VWA8: variants seen among roughly 807,000 people sequenced by gnomAD.
VWA8 encodes von Willebrand factor A domain containing 8, also known as von Willebrand factor A domain-containing protein 8.
In VWA8, 221 loss-of-function variants were observed where a neutral mutation model predicts 241.5. The observed-to-expected ratio is 0.91, with a 90% confidence interval of 0.82 to 1.02. The LOEUF is 1.02. Ranked by LOEUF, VWA8 falls within the 50% of genes least tolerant of loss-of-function variation. VWA8 has a pLI of 0.00. For synonymous variants in VWA8, 852 were observed against 827.1 expected (o/e 1.03, Z -0.52); for missense variants, 2,322 against 2,328.7 (o/e 1.00, Z 0.06).
Position 41,726,738 on chromosome 13 carries a change from C to T in VWA8, c.2758+456G>A, listed in dbSNP as rs562214268. Among the ~76,000 whole-genome samples, 8 of 152,152 alleles carry T rather than the reference C, an allele frequency of 5.3e-5. No individual in the cohort carries two copies. In the East Asian group the frequency reaches 1.5e-3, roughly 29 times the overall value. On this transcript the variant is annotated intron_variant, in intron 24 of 44. Transcript: ENST00000379310. The stretch of plus-strand genomic sequence containing the variant: ...GGCCGGGCATGGTGGCTCACATCTG[C>T]AATCTCAGCACTTTGGGAAGCCGAG...
chr13:41,809,618 A>T (rs897549027), intron 17 of VWA8, among the ~76,000 whole-genome samples: 3 of 152,280 alleles, frequency 2.0e-5, no homozygotes, highest in Middle Eastern at 3.4e-3. Flanking sequence ...TGGATTAAGA[A>T]TTAAATCTAA....
chr13:41,608,101 G>T (rs1004569528), intron 39 of VWA8, among the ~76,000 whole-genome samples: 1 of 152,052 alleles, frequency 6.6e-6, no homozygotes, highest in African/African-American at 2.4e-5. Flanking sequence ...CTAGCCATTT[G>T]GTAAGCCACC....
chr13:41,689,374 C>T lies in VWA8; in HGVS notation c.4111G>A (p.Val1371Ile), dbSNP rs779018182. 1 of 1,609,044 alleles carries T rather than the reference C, an allele frequency of 6.2e-7. No individual in the cohort carries two copies. The highest frequency in any genetic ancestry group is 8.5e-7 in the Non-Finnish European group (1 of 1,178,030). Reference protein sequence around the residue: ...SDEKNYATIVVGFPDLMSPSE... With the variant: ...SDEKNYATIVIGFPDLMSPSE... ...CTTACCATGAGATCTGGAAAACCAACAACTATTGTAGCATAATTTTTCTCA... is the reference window on the plus strand; with the variant it reads ...CTTACCATGAGATCTGGAAAACCAATAACTATTGTAGCATAATTTTTCTCA... Residue 1371 changes from valine (V) to isoleucine (I), a missense_variant, in exon 34 of 45, where the codon GTT (valine) becomes ATT (isoleucine). Val to Ile is a conservative substitution (Grantham distance 29, BLOSUM62 3). Coordinates refer to ENST00000379310, the MANE Select transcript of VWA8 (RefSeq NM_015058.2).
chr13:41,609,441 T>C (rs1459979433), intron 39 of VWA8, among the ~76,000 whole-genome samples: 1 of 152,144 alleles, frequency 6.6e-6, no homozygotes, highest in Middle Eastern at 3.2e-3. Flanking sequence ...GACAATGAAA[T>C]GATAGAAGTC....
chr13:41,674,626 C>T (rs1209160338), intron 36 of VWA8, among the ~76,000 whole-genome samples: 1 of 152,146 alleles, frequency 6.6e-6, no homozygotes, highest in Non-Finnish European at 1.5e-5. Flanking sequence ...TGCCTGTGTT[C>T]TTCAAGGGAC....
chr13:41,839,999 A>G (rs1316723993), intron 12 of VWA8, among the ~76,000 whole-genome samples: 2 of 152,240 alleles, frequency 1.3e-5, no homozygotes, highest in African/African-American at 4.8e-5. Context: ...TTTCCTATCC[A>G]TGAGCATGGA....
At chr13:41,854,040 G>A (rs957882778) in intron 12 of VWA8, among the ~76,000 whole-genome samples, 1 of 152,088 alleles carries the variant, frequency 6.6e-6, no homozygotes, top group African/African-American at 2.4e-5. Context: ...AACAACAGTT[G>A]CTGAAGAGTC....
At chr13:41,840,753 T>A in intron 12 of VWA8, among the ~76,000 whole-genome samples, 1 of 142,690 alleles carries the variant, frequency 7.0e-6, no homozygotes, top group Admixed American at 7.1e-5. Flanking sequence ...AGTGAGACCG[T>A]CTCAAAAAAA....
At chr13:41,765,290 G>A (rs1283846532) in intron 20 of VWA8, among the ~76,000 whole-genome samples, 1 of 152,138 alleles carries the variant, frequency 6.6e-6, no homozygotes, top group Non-Finnish European at 1.5e-5. Flanking sequence ...CAACTCAAGG[G>A]TAGCTCATCC....
intron 22 of VWA8, among the ~76,000 whole-genome samples, chr13:41,731,524 C>CAAA (rs1303568634): frequency 6.6e-6 from 1 of 152,030 alleles, no homozygotes; most frequent in African/African-American, 2.4e-5. Context: ...GAGAGAAGAA[C>CAAA]AAAATAGGAA....
intron 2 of VWA8, chr13:41,926,159 G>A (rs1593875109): frequency 4.9e-6 from 3 of 606,104 alleles, no homozygotes; most frequent in Non-Finnish European, 6.0e-6. Context: ...GGAACCCTGG[G>A]AAAACCAAGA....
intron 17 of VWA8, among the ~76,000 whole-genome samples, chr13:41,789,195 A>T (rs963030848): frequency 1.3e-5 from 2 of 151,954 alleles, no homozygotes; most frequent in African/African-American, 4.8e-5. Flanking sequence ...GCCAATCCTA[A>T]TTTTTTTCCT....
intron 37 of VWA8, among the ~76,000 whole-genome samples, chr13:41,657,866 G>T (rs995719652): frequency 6.6e-6 from 1 of 152,220 alleles, no homozygotes; most frequent in African/African-American, 2.4e-5. Flanking sequence ...ATGCAACCTG[G>T]CAATGTCATG....
At chr13:41,575,285 G>A (rs1282779700) in intron 43 of VWA8, among the ~76,000 whole-genome samples, 2 of 151,964 alleles carry the variant, frequency 1.3e-5, no homozygotes, top group Non-Finnish European at 2.9e-5. Flanking sequence ...GGGGGGTGAG[G>A]GATAAAAGAC....
chr13:41,915,864 A>C (rs1274746351), intron 2 of VWA8, among the ~76,000 whole-genome samples: 1 of 152,150 alleles, frequency 6.6e-6, no homozygotes, highest in Non-Finnish European at 1.5e-5. Context: ...CCCTGCTTTT[A>C]TTCTCCCTCA....
chr13:41,868,357 C>T lies in VWA8; in HGVS notation c.1201G>A (p.Val401Met). ...CTGTGATTAATTACCTTAATGGTCACCTCTTTATCTGCAATCCGGATGGTC... is the reference window on the plus strand; with the variant it reads ...CTGTGATTAATTACCTTAATGGTCATCTCTTTATCTGCAATCCGGATGGTC... ...SVTIRIADKE[V>M]TIKVPAGTRL... Residue 401 changes from valine (V) to methionine (M), a missense_variant, in exon 10 of 45, where the codon GTG (valine) becomes ATG (methionine). Transcript: ENST00000379310. 2 of 1,613,956 alleles carry T rather than the reference C, an allele frequency of 1.2e-6. No individual in the cohort carries two copies. Among genetic ancestry groups the T allele is most frequent in the Non-Finnish European group, 1.7e-6 (2 of 1,179,984 alleles).
In VWA8 at chr13:41,703,294, G is replaced by A; in HGVS notation, c.3225+9C>T. 2 of 1,603,976 alleles carry A rather than the reference G, an allele frequency of 1.2e-6. No homozygotes were observed. Among genetic ancestry groups the A allele is most frequent in the Non-Finnish European group, 8.5e-7 (1 of 1,171,084 alleles). On this transcript the variant is annotated intron_variant, in intron 27 of 44. Coordinates refer to ENST00000379310, the MANE Select transcript of VWA8 (RefSeq NM_015058.2). Reference sequence around the variant, plus strand: ...CAATATTTTAAGAGAGAATAATGATGATATCAACCTTTATGTCTATATGAT... The same window carrying A: ...CAATATTTTAAGAGAGAATAATGATAATATCAACCTTTATGTCTATATGAT...
intron 43 of VWA8, among the ~76,000 whole-genome samples, chr13:41,573,992 A>C (rs2044333549): frequency 1.3e-5 from 2 of 152,352 alleles, no homozygotes; most frequent in South Asian, 4.1e-4. Flanking sequence ...AACACAAAAG[A>C]TAAATGCTTG....
At chr13:41,616,052 C>T (rs183954677) in intron 37 of VWA8, among the ~76,000 whole-genome samples, 1 of 152,202 alleles carries the variant, frequency 6.6e-6, no homozygotes, top group Non-Finnish European at 1.5e-5. Flanking sequence ...TTGGTTCCTG[C>T]CCTCAAACTG....
Sources: allele counts gnomAD v4.1 joint callset (sites outside exome capture counted in the v4.1 genomes callset), GRCh38; gene constraint gnomAD v4.1.1; transcripts MANE v1.5; gene names NCBI Gene and HGNC (gene_info 2026-07-23, HGNC 2026-07-21).